NEB: variants seen among roughly 807,000 people sequenced by gnomAD.
The protein encoded by NEB is nemaline myopathy type 2.
A neutral mutation model predicts 952.2 loss-of-function variants in NEB; 512 were observed. The ratio of observed to expected loss-of-function variants is 0.54; its 90% CI spans 0.50 to 0.58. The LOEUF (loss-of-function observed/expected upper bound fraction) is 0.58, where lower values mean the gene tolerates loss of function less well. Ranked by LOEUF, NEB falls within the 20% of genes least tolerant of loss-of-function variation. The probability of loss-of-function intolerance (pLI) is 0.00; values close to 1 mark genes in which losing one functional copy is unlikely to be tolerated. For missense variants in NEB, 8,428 were observed against 9,231.1 expected (o/e 0.91, Z 3.56); for synonymous variants, 2,900 against 3,149.8 (o/e 0.92, Z 2.66).
In NEB at chr2:151,554,836, A is replaced by T. The variant is rs1383300158; in HGVS notation, c.19428+95T>A. The stretch of plus-strand genomic sequence containing the variant: ...ATCCCATCTAGGTATGTGGAAGTGC[A>T]CTCTATGATGTTAGCACAACAATGA... On this transcript the variant is annotated intron_variant, in intron 125 of 181. Coordinates refer to ENST00000397345, the MANE Select transcript of NEB (RefSeq NM_001164508.2). The T allele has an allele frequency of 3.6e-5, 33 of 920,452 alleles. No individual in the cohort carries two copies. In the South Asian group the frequency reaches 4.2e-4, roughly 12 times the overall value. 57.0% of individuals were successfully genotyped at this position (920,452 alleles called of 1,614,324 possible).
At chr2:151,538,077 T>C in intron 139 of NEB, 63 bp downstream of exon 139, 2 of 1,489,602 alleles carry the variant, frequency 1.3e-6, no homozygotes, top group Non-Finnish European at 1.9e-6. Flanking sequence ...TGCTAAAAAA[T>C]ATATGTATAT....
chr2:151,493,568 T>A, intron 175 of NEB, 123 bp from the exon 176 acceptor site: 1 of 742,046 alleles, frequency 1.3e-6, no homozygotes, highest in Non-Finnish European at 2.1e-6. Context: ...GTAAAGCTAT[T>A]AAAATGTTAC....
chr2:151,642,648 T>C lies in NEB; in HGVS notation c.8299A>G (p.Arg2767Gly). The change falls in exon 60 of 182, where the codon AGG becomes GGG. Residue 2767 changes from arginine to glycine, a missense_variant. Coordinates refer to ENST00000397345, the MANE Select transcript of NEB (RefSeq NM_001164508.2). Reference protein sequence around the residue: ...LYKLGLEEAKRKGYDMRVDAI... With the variant: ...LYKLGLEEAKGKGYDMRVDAI... ...TCTACCCGCATGTCATAACCTTTCCTCTTGGCTTCTTCTAGGCCAAGCTTA... is the reference window on the plus strand; with the variant it reads ...TCTACCCGCATGTCATAACCTTTCCCCTTGGCTTCTTCTAGGCCAAGCTTA... 6.2e-7 allele frequency: 1 copy of C among 1,613,980 alleles called. No individual in the cohort carries two copies. Among genetic ancestry groups the C allele is most frequent in the South Asian group, 1.1e-5 (1 of 91,078 alleles).
At chr2:151,692,404 T>C (rs1005607890) in intron 20 of NEB, 42 bp from the exon 21 acceptor site, 37 of 1,415,598 alleles carry the variant, frequency 2.6e-5, no homozygotes, top group Non-Finnish European at 3.0e-5. Flanking sequence ...GAAAGAAATA[T>C]ATATCTCATA....
intron 117 of NEB, 90 bp from the exon 118 acceptor site, chr2:151,564,020 G>C: frequency 1.1e-6 from 1 of 924,004 alleles, no homozygotes; most frequent in Non-Finnish European, 1.7e-6. Flanking sequence ...GGTGAAACAT[G>C]TATGTTCAAG....
Position 151,643,238 on chromosome 2 carries a change from C to T in NEB, c.8072G>A (p.Arg2691His), listed in dbSNP as rs35555631. The T allele has an allele frequency of 3.1e-4, 506 of 1,613,840 alleles. 6 individuals are homozygous for T. In the African/African-American group the frequency reaches 4.9e-3, roughly 15 times the overall value. Reference protein sequence around the residue: ...ATQILSDHVYRQHPDQFKFSS... With the variant: ...ATQILSDHVYHQHPDQFKFSS... The stretch of plus-strand genomic sequence containing the variant: ...AAACTTAAATTGATCTGGGTGCTGA[C>T]GGTAAACATGGTCACTCAAAATCTG... The change falls in exon 58 of 182, where the codon CGT becomes CAT. Residue 2691 changes from arginine (R) to histidine (H), a missense_variant. Transcript: ENST00000397345.
intron 142 of NEB, 80 bp downstream of exon 142, chr2:151,535,611 T>C (rs2093013755): frequency 1.2e-6 from 1 of 834,014 alleles, no homozygotes; most frequent in South Asian, 1.8e-5. Context: ...ATTCTGTGTA[T>C]TGGGCTTTAA....
At chr2:151,576,452 T>C in intron 105 of NEB, 98 bp from the exon 106 acceptor site, 1 of 318,384 alleles carries the variant, frequency 3.1e-6, no homozygotes, top group Non-Finnish European at 5.6e-6. Context: ...GTATATATTA[T>C]ATATACAACA....
intron 165 of NEB, 41 bp from the exon 166 acceptor site, chr2:151,503,482 C>G (rs778721485): frequency 7.2e-7 from 1 of 1,397,710 alleles, no homozygotes; most frequent in Admixed American, 1.7e-5. Context: ...GTAAAATGAC[C>G]GTAAATCCTT....
chr2:151,536,983 G>C (rs1336291788), intron 141 of NEB, 149 bp downstream of exon 141: 1 of 446,828 alleles, frequency 2.2e-6, no homozygotes, highest in African/African-American at 2.0e-5. Flanking sequence ...GAGTTTCCTA[G>C]CAGTGAACAA....
chr2:151,549,881 GAATT>G (rs1421584010), intron 129 of NEB, 141 bp from the exon 130 acceptor site: 16 of 606,314 alleles, frequency 2.6e-5, no homozygotes, highest in Admixed American at 1.9e-4. Flanking sequence ...TTTCAGGAGA[GAATT>G]AAATACATTC....
intron 73 of NEB, among the ~76,000 whole-genome samples, chr2:151,619,175 C>A (rs554540673): frequency 6.6e-6 from 1 of 152,128 alleles, no homozygotes; most frequent in African/African-American, 2.4e-5. Flanking sequence ...TTTTTAAGGG[C>A]TAAGTTTCAT....
chr2:151,653,231 C>T (rs2099050312), intron 52 of NEB, among the ~76,000 whole-genome samples: 1 of 152,094 alleles, frequency 6.6e-6, no homozygotes, highest in Non-Finnish European at 1.5e-5. Context: ...ATAACCAAGA[C>T]CTTCTGAATT....
chr2:151,727,859 A>T lies in NEB; in HGVS notation c.126T>A (p.Tyr42Ter). 6.2e-7 allele frequency: 1 copy of T among 1,613,698 alleles called. No homozygotes were observed. The highest frequency in any genetic ancestry group is 8.5e-7 in the Non-Finnish European group (1 of 1,179,742). The change falls in exon 5 of 182, where the codon TAT becomes TAA. Residue 42 changes from tyrosine (Y) to a stop codon, truncating the protein, a stop_gained. Coordinates refer to ENST00000397345, the MANE Select transcript of NEB (RefSeq NM_001164508.2). LOFTEE classifies it high-confidence loss of function. ...YETTTTRTSD[Y>*]EQSETSKPAL... ...CTGGTTTGGAAGTTTCTGATTGCTCATAGTCAGATGTCCTTGTTGTCGTAG... is the reference window on the plus strand; with the variant it reads ...CTGGTTTGGAAGTTTCTGATTGCTCTTAGTCAGATGTCCTTGTTGTCGTAG...
At chr2:151,680,599 A>G in intron 30 of NEB, 131 bp downstream of exon 30, 1 of 620,742 alleles carries the variant, frequency 1.6e-6, no homozygotes, top group Non-Finnish European at 2.8e-6. Context: ...ACAGCTGGGG[A>G]ATTCTACAGA....
Position 151,672,424 on chromosome 2 carries a change from A to G in NEB, c.4244T>C (p.Leu1415Pro). Residue 1415 changes from leucine to proline, a missense_variant, in exon 37 of 182, where the codon CTA (leucine) becomes CCA (proline). Leu to Pro is a moderately conservative substitution (Grantham distance 98, BLOSUM62 -3). Transcript: ENST00000397345. ...ATGCTCAAGACTCATGGCGTCAGGT[A>G]GGTATGTGTAATGATGCAATGGCTG... ...YKQPLHHYTY[L>P]PDAMSLEHTR... 4 of 1,613,262 alleles carry G rather than the reference A, an allele frequency of 2.5e-6. No homozygotes were observed. The highest frequency in any genetic ancestry group is 3.4e-6 in the Non-Finnish European group (4 of 1,179,250).
intron 173 of NEB, among the ~76,000 whole-genome samples, chr2:151,494,618 A>G (rs2058853288): frequency 6.6e-6 from 1 of 152,024 alleles, no homozygotes; most frequent in East Asian, 1.9e-4. Flanking sequence ...GCTGTTCCTA[A>G]TACATCAGCT....
Position 151,537,949 on chromosome 2 carries a change from G to A in NEB, c.21025C>T (p.Gln7009Ter). The change falls in exon 140 of 182, where the codon CAG (glutamine) becomes TAG (stop). Residue 7009 changes from glutamine to a stop codon, truncating the protein, a stop_gained. Transcript: ENST00000397345. LOFTEE classifies it high-confidence loss of function. ...KIKYKENYMS[Q>*]LGIWRSIPDR... ...GGAATGGACCTCCAGATACCCAACT[G>A]GCTCATGTAGTTCTCCTTGTATTTT... 6.2e-7 allele frequency: 1 copy of A among 1,613,256 alleles called. No individual in the cohort carries two copies. Among genetic ancestry groups the A allele is most frequent in the Non-Finnish European group, 8.5e-7 (1 of 1,179,482 alleles).
In NEB at chr2:151,497,316, C is replaced by CAT. The variant is rs2060892721; in HGVS notation, c.24301-284_24301-283insAT. On this transcript the variant is annotated intron_variant, in intron 171 of 181. Transcript: ENST00000397345. ...TTCCTTTTTTGTGAGTACCATGCCT[C>CAT]CTAAACAATTATATGAGGATTTGAG... 8.2e-6 allele frequency: 8 copies of CAT among 978,702 alleles called. No individual in the cohort carries two copies. In the South Asian group the frequency reaches 3.3e-4, roughly 41 times the overall value. 60.6% of individuals were successfully genotyped at this position (978,702 alleles called of 1,614,324 possible).
Sources: gnomAD v4.1 joint callset for allele counts (sites outside exome capture counted in the v4.1 genomes callset) on GRCh38, gnomAD v4.1.1 for gene constraint, MANE v1.5 for transcripts, NCBI Gene and HGNC (gene_info 2026-07-23, HGNC 2026-07-21) for gene names.